Variants in BRD10 observed in about 807,000 individuals in gnomAD.
BRD10 encodes bromodomain containing 10.
chr9:5,968,787 G>A, the BRD10 span: 2 of 1,613,786 alleles, frequency 1.2e-6, no homozygotes, highest in East Asian at 2.2e-5. Context: ...TTATAAATCC[G>A]TACATCTGCA....
chr9:6,003,177 A>G, the BRD10 span, among the ~76,000 whole-genome samples: 18 of 152,348 alleles, frequency 1.2e-4, no homozygotes, highest in East Asian at 3.5e-3. Flanking sequence ...TCACCAAGAT[A>G]TTATCATAAA....
chr9:5,920,081 T>C, the BRD10 span: 1 of 1,613,978 alleles, frequency 6.2e-7, no homozygotes, highest in Non-Finnish European at 8.5e-7. Flanking sequence ...AGAACTTGCA[T>C]TCCCAAAAGA....
chr9:5,914,421 T>G, the BRD10 span, among the ~76,000 whole-genome samples: 1 of 114,132 alleles, frequency 8.8e-6, no homozygotes, highest in Non-Finnish European at 1.8e-5. Context: ...TTTTTTTTTT[T>G]TTTTTTTTTT....
chr9:5,946,734 C>T, the BRD10 span, among the ~76,000 whole-genome samples: 3 of 152,066 alleles, frequency 2.0e-5, no homozygotes, highest in African/African-American at 7.2e-5. Context: ...TTTTTACTTG[C>T]ATCTCAGTTG....
At chr9:5,897,160 T>C in the BRD10 span, among the ~76,000 whole-genome samples, 1 of 152,362 alleles carries the variant, frequency 6.6e-6, no homozygotes, top group East Asian at 1.9e-4. Flanking sequence ...GATGAGTCAG[T>C]GTTAATTTCT....
chr9:5,887,331 T>C, the BRD10 span, among the ~76,000 whole-genome samples: 1 of 152,176 alleles, frequency 6.6e-6, no homozygotes, highest in South Asian at 2.1e-4. Context: ...GTGCCCAGCA[T>C]GCTGAGTCTG....
the BRD10 span, chr9:5,945,045 C>T: frequency 2.6e-5 from 14 of 532,876 alleles, no homozygotes; most frequent in East Asian, 4.7e-4. Flanking sequence ...TTAACACACA[C>T]TGAATTCACA....
At chr9:5,955,218 C>T in the BRD10 span, among the ~76,000 whole-genome samples, 3 of 152,056 alleles carry the variant, frequency 2.0e-5, no homozygotes, top group East Asian at 3.9e-4. Flanking sequence ...ATACAGGACA[C>T]TGTACAAGCT....
At chr9:5,996,673 T>G in the BRD10 span, among the ~76,000 whole-genome samples, 1,619 of 152,282 alleles carry the variant, frequency 0.011, 31 homozygotes, top group African/African-American at 0.037. Context: ...TAGAATATAT[T>G]TATTCTGTTT....
the BRD10 span, among the ~76,000 whole-genome samples, chr9:5,972,172 C>T: frequency 3.3e-5 from 5 of 151,880 alleles, no homozygotes; most frequent in African/African-American, 1.2e-4. Context: ...AAAGATAAAA[C>T]ATAAAAGGAA....
chr9:5,990,993 A>G, the BRD10 span, among the ~76,000 whole-genome samples: 1 of 152,190 alleles, frequency 6.6e-6, no homozygotes, highest in Non-Finnish European at 1.5e-5. Context: ...CAGATTAAAT[A>G]ATGTACTGAA....
the BRD10 span, chr9:5,923,271 T>TA: frequency 6.2e-7 from 1 of 1,611,172 alleles, no homozygotes; most frequent in Non-Finnish European, 8.5e-7. Flanking sequence ...AGCTTGCTTC[T>TA]AGCCATAGGA....
At chr9:5,974,508 T>C in the BRD10 span, among the ~76,000 whole-genome samples, 3 of 152,252 alleles carry the variant, frequency 2.0e-5, no homozygotes, top group Admixed American at 6.5e-5. Context: ...AGCCCAAACA[T>C]TGTTTCAGTT....
At chr9:5,963,841 T>C in the BRD10 span, among the ~76,000 whole-genome samples, 59 of 151,914 alleles carry the variant, frequency 3.9e-4, 1 homozygote, top group African/African-American at 1.2e-3. Context: ...CTGGGAAAAC[T>C]GGCTAGCCAT....
At chr9:5,991,599 C>T in the BRD10 span, among the ~76,000 whole-genome samples, 1 of 151,848 alleles carries the variant, frequency 6.6e-6, no homozygotes, top group Admixed American at 6.6e-5. Context: ...GGCACGTGCA[C>T]CTGTAGTCCA....
chr9:5,976,731 T>A, the BRD10 span, among the ~76,000 whole-genome samples: 8 of 147,570 alleles, frequency 5.4e-5, no homozygotes, highest in Non-Finnish European at 8.9e-5. Flanking sequence ...CGCCAAATAG[T>A]AGAATAGATG....
the BRD10 span, chr9:5,921,568 T>C: frequency 6.2e-7 from 1 of 1,613,930 alleles, no homozygotes; most frequent in Non-Finnish European, 8.5e-7. Flanking sequence ...ATGGAGCTGA[T>C]ACCAGCATAA....
chr9:5,968,852 A>G, the BRD10 span: 1 of 1,613,586 alleles, frequency 6.2e-7, no homozygotes, highest in African/African-American at 1.3e-5. Context: ...ATAACCAAGA[A>G]TAACTTCCCT....
chr9:5,960,920 T>C, the BRD10 span, among the ~76,000 whole-genome samples: 1 of 152,224 alleles, frequency 6.6e-6, no homozygotes, highest in Admixed American at 6.5e-5. Context: ...ATGTTCATGG[T>C]ATACTGATAC....
Sources: allele counts gnomAD v4.1 joint callset (sites outside exome capture counted in the v4.1 genomes callset), GRCh38; gene constraint gnomAD v4.1.1; transcripts MANE v1.5; gene names NCBI Gene and HGNC (gene_info 2026-07-23, HGNC 2026-07-21).